Variants in SNTB1 observed in about 807,000 individuals in gnomAD.
SNTB1 encodes beta-1-syntrophin.
A neutral mutation model predicts 48.9 loss-of-function variants in SNTB1; 36 were observed. The observed-to-expected ratio is 0.74, with a 90% CI of 0.56 to 0.97. The LOEUF is 0.97. Among genes scored for constraint, SNTB1 ranks in the 50% least tolerant of loss-of-function variants. SNTB1 has a pLI of 0.00. For missense variants in SNTB1, 786 were observed against 703.4 expected, an observed-to-expected ratio of 1.12 and a Z score of -1.33; for synonymous variants, 299 against 294.6, an observed-to-expected ratio of 1.01 and a Z score of -0.15.
At chr8:120,643,234 C>T (rs1342508875) in intron 2 of SNTB1, among the ~76,000 whole-genome samples, 1 of 152,226 alleles carries the variant, frequency 6.6e-6, no homozygotes, top group Non-Finnish European at 1.5e-5. Flanking sequence ...CTGATCTGGT[C>T]TTCAAAGGCA....
chr8:120,589,476 A>G (rs1277182664), intron 3 of SNTB1, among the ~76,000 whole-genome samples: 1 of 152,212 alleles, frequency 6.6e-6, no homozygotes, highest in African/African-American at 2.4e-5. Flanking sequence ...GGGAATTGCC[A>G]ATTGCCCATC....
chr8:120,603,203 G>A (rs1816451992), intron 3 of SNTB1, among the ~76,000 whole-genome samples: 3 of 151,890 alleles, frequency 2.0e-5, no homozygotes, highest in African/African-American at 7.3e-5. Context: ...CCGGGTTCAA[G>A]CAATTCTCCT....
chr8:120,742,484 C>G (rs1394041767), intron 1 of SNTB1, among the ~76,000 whole-genome samples: 3 of 152,148 alleles, frequency 2.0e-5, no homozygotes. Flanking sequence ...TTACAGGAAG[C>G]AAAGGGATCG....
At position 120,548,880 on chromosome 8, in the gene SNTB1, C is replaced by T. The variant is rs764855445; in HGVS notation, c.1215G>A (p.Arg405=). 2 of 1,613,846 alleles carry T rather than the reference C, an allele frequency of 1.2e-6. No individual in the cohort carries two copies. Among genetic ancestry groups the T allele is most frequent in the Admixed American group, 1.7e-5 (1 of 60,004 alleles). ...TGAAGAGATGTGTTTCAATCCCTTG[C>T]CTGGTACCAGTTCGCGTTGCAAAGG... ...DLSFATRTGT[R]QGIETHLFRA... The change falls in exon 5 of 7, where the codon AGG becomes AGA. Residue 405 remains arginine (R), a synonymous_variant. Coordinates refer to ENST00000517992, the MANE Select transcript of SNTB1 (RefSeq NM_021021.4).
intron 2 of SNTB1, among the ~76,000 whole-genome samples, chr8:120,682,982 C>T (rs557698138): frequency 1.2e-4 from 18 of 148,692 alleles, no homozygotes; most frequent in Admixed American, 4.0e-4. Context: ...CCTGGGTTCA[C>T]GCCATTCTCC....
chr8:120,620,470 C>T (rs564496021), intron 3 of SNTB1, among the ~76,000 whole-genome samples: 34 of 152,242 alleles, frequency 2.2e-4, no homozygotes, highest in Middle Eastern at 3.4e-3. Context: ...GCTCTTCCTT[C>T]TATAGTATGG....
intron 2 of SNTB1, among the ~76,000 whole-genome samples, chr8:120,658,798 CAAGG>C (rs1817537830): frequency 6.6e-6 from 1 of 152,112 alleles, no homozygotes. Flanking sequence ...TAAAATAAGA[CAAGG>C]AAGTCTGCCA....
At chr8:120,743,235 A>G (rs1484215623) in intron 1 of SNTB1, among the ~76,000 whole-genome samples, 1 of 152,244 alleles carries the variant, frequency 6.6e-6, no homozygotes, top group Non-Finnish European at 1.5e-5. Flanking sequence ...AGTGAAGTTT[A>G]ATCTTCAAAG....
intron 4 of SNTB1, among the ~76,000 whole-genome samples, chr8:120,573,120 G>T (rs1458259921): frequency 1.3e-5 from 2 of 152,130 alleles, no homozygotes; most frequent in Non-Finnish European, 2.9e-5. Context: ...CAGAGTGGCT[G>T]CACCATTTTA....
At chr8:120,575,347 A>C (rs1587003308) in intron 3 of SNTB1, 122 bp from the exon 4 acceptor site, 4 of 1,089,816 alleles carry the variant, frequency 3.7e-6, no homozygotes, top group Middle Eastern at 5.7e-4. Flanking sequence ...TTGGTTGCAA[A>C]ATCAAAATGG....
At chr8:120,811,177 G>C (rs1471192010) in intron 1 of SNTB1, 96 bp downstream of exon 1, 1 of 1,458,842 alleles carries the variant, frequency 6.9e-7, no homozygotes, top group Non-Finnish European at 9.1e-7. Context: ...GGGTGTGTCC[G>C]CATGTGGCCG....
intron 3 of SNTB1, among the ~76,000 whole-genome samples, chr8:120,584,279 T>C (rs1207283799): frequency 6.6e-6 from 1 of 151,746 alleles, no homozygotes; most frequent in African/African-American, 2.4e-5. Context: ...CTGTCTCTAC[T>C]AAAAATACAA....
chr8:120,656,943 G>T (rs1817512083), intron 2 of SNTB1, among the ~76,000 whole-genome samples: 1 of 152,186 alleles, frequency 6.6e-6, no homozygotes, highest in African/African-American at 2.4e-5. Context: ...GAAGAGAGAA[G>T]TGTCAAGGTG....
chr8:120,756,619 G>C (rs886444082), intron 1 of SNTB1, among the ~76,000 whole-genome samples: 4 of 152,116 alleles, frequency 2.6e-5, no homozygotes, highest in Non-Finnish European at 5.9e-5. Context: ...TTCTTCAATG[G>C]AGTTGAATGA....
chr8:120,727,383 A>G (rs1818775529), intron 1 of SNTB1, among the ~76,000 whole-genome samples: 1 of 152,192 alleles, frequency 6.6e-6, no homozygotes. Context: ...GGGGTCAGCC[A>G]GATGAGAGTC....
At chr8:120,643,258 T>C (rs1246934018) in intron 2 of SNTB1, among the ~76,000 whole-genome samples, 2 of 152,194 alleles carry the variant, frequency 1.3e-5, no homozygotes, top group East Asian at 1.9e-4. Context: ...ACCATGTTTG[T>C]TGTTATTGTT....
Position 120,623,331 on chromosome 8 carries a change from G to T in SNTB1, c.996+9113C>A, listed in dbSNP as rs977600495. 2.0e-5 allele frequency among the ~76,000 whole-genome samples: 3 copies of T among 152,154 alleles called. No homozygotes were observed. In the South Asian group the frequency reaches 6.2e-4, roughly 32 times the overall value. On this transcript the variant is annotated intron_variant, in intron 3 of 6. Coordinates refer to ENST00000517992, the MANE Select transcript of SNTB1 (RefSeq NM_021021.4). Reference sequence around the variant, plus strand: ...AAAAGCCTACTGGTGAGTTAACCTGGTTCCATTGATATGCCTGCCACCCAG... The same window carrying T: ...AAAAGCCTACTGGTGAGTTAACCTGTTTCCATTGATATGCCTGCCACCCAG...
At chr8:120,564,112 C>CA (rs201728533) in intron 4 of SNTB1, among the ~76,000 whole-genome samples, 30,571 of 111,480 alleles carry the variant, frequency 0.27, 3,967 homozygotes, top group East Asian at 0.49. Flanking sequence ...CTGTCTCAAA[C>CA]AAAAAAAAAA....
chr8:120,631,790 CTT>C (rs1054943522), intron 3 of SNTB1, among the ~76,000 whole-genome samples: 8 of 152,228 alleles, frequency 5.3e-5, no homozygotes, highest in Middle Eastern at 6.8e-3. Flanking sequence ...GACCCAAAGT[CTT>C]TTCCACAGCA....
Sources: allele counts gnomAD v4.1 joint callset (sites outside exome capture counted in the v4.1 genomes callset), GRCh38; gene constraint gnomAD v4.1.1; transcripts MANE v1.5; gene names NCBI Gene and HGNC (gene_info 2026-07-23, HGNC 2026-07-21).